Variants in CEP290 observed in about 807,000 individuals in gnomAD.
The protein encoded by CEP290 is centrosomal protein of 290 kDa.
A neutral mutation model predicts 344.9 loss-of-function variants in CEP290; 317 were observed. That is an observed-to-expected ratio of 0.92 (90% CI 0.84 to 1.01). The LOEUF is 1.01. Among genes scored for constraint, CEP290 ranks in the 50% least tolerant of loss-of-function variants. The pLI is 0.00. For missense variants in CEP290, 2,754 were observed against 2,761.4 expected (o/e 1.00, Z 0.06); for synonymous variants, 932 against 895.8 (o/e 1.04, Z -0.72).
intron 19 of CEP290, among the ~76,000 whole-genome samples, 154 bp from the exon 20 acceptor site, chr12:88,114,716 C>T (rs1473225377): frequency 2.0e-5 from 3 of 152,050 alleles, no homozygotes; most frequent in Admixed American, 6.5e-5. Flanking sequence ...ATAAATCCAA[C>T]GTGAATAGTT....
Position 88,111,691 on chromosome 12 carries a change from C to T in CEP290, c.2217+3G>A, listed in dbSNP as rs765291878. ...ATTTTCTTTTATTTAATAAAATTCT[C>T]ACCTTTAAATTAGCTTTTGCCAACT... On this transcript the variant is annotated splice_donor_region_variant and intron_variant, in intron 21 of 53. Coordinates refer to ENST00000552810, the MANE Select transcript of CEP290 (RefSeq NM_025114.4). 1.9e-5 allele frequency: 30 copies of T among 1,558,120 alleles called. No individual in the cohort carries two copies. Among genetic ancestry groups the T allele is most frequent in the Non-Finnish European group, 2.6e-5 (30 of 1,160,146 alleles).
intron 25 of CEP290, among the ~76,000 whole-genome samples, chr12:88,105,974 A>T (rs2038246506): frequency 6.6e-6 from 1 of 152,114 alleles, no homozygotes; most frequent in African/African-American, 2.4e-5. Context: ...TATATTGCCT[A>T]GGCTGGTCTG....
chr12:88,053,906 C>T (rs2033782358), intron 51 of CEP290, among the ~76,000 whole-genome samples, 160 bp from the exon 52 acceptor site: 1 of 152,144 alleles, frequency 6.6e-6, no homozygotes, highest in East Asian at 1.9e-4. Context: ...CATTCTCAAA[C>T]AAAAAGCCTG....
intron 35 of CEP290, 148 bp downstream of exon 35, chr12:88,084,438 G>C (rs917780658): frequency 2.7e-6 from 2 of 731,278 alleles, no homozygotes; most frequent in Admixed American, 2.9e-5. Flanking sequence ...TACTGACAGA[G>C]GTGTAATCCA....
At chr12:88,055,476 T>G in intron 50 of CEP290, 100 bp downstream of exon 50, 1 of 1,059,142 alleles carries the variant, frequency 9.4e-7, no homozygotes, top group Non-Finnish European at 1.3e-6. Context: ...TAGATGGGTC[T>G]TCTTAATAGA....
chr12:88,068,722 A>G lies in CEP290; in HGVS notation c.6012-77T>C, dbSNP rs558048806. 798 of 1,447,506 alleles carry G rather than the reference A, an allele frequency of 5.5e-4. 4 individuals are homozygous for G. The highest frequency in any genetic ancestry group is 4.8e-3 in the Middle Eastern group (23 of 4,818). 89.7% of individuals were successfully genotyped at this position (1,447,506 alleles called of 1,614,324 possible). The stretch of plus-strand genomic sequence containing the variant: ...GTTGTACTATATAAAAATACAAGAT[A>G]AAAAAAGAAAAGTTCAGTGTGTTTA... On this transcript the variant is annotated intron_variant, in intron 43 of 53. Transcript: ENST00000552810.
chr12:88,103,237 C>T, intron 25 of CEP290: 2 of 277,444 alleles, frequency 7.2e-6, no homozygotes, highest in South Asian at 1.4e-4. Context: ...ACTTTAATAA[C>T]TCCTGTCATT....
At chr12:88,122,300 T>C (rs1010636128) in intron 13 of CEP290, among the ~76,000 whole-genome samples, 1 of 152,156 alleles carries the variant, frequency 6.6e-6, no homozygotes, top group Non-Finnish European at 1.5e-5. Context: ...CACATGCTTT[T>C]AACTCTTGCC....
At chr12:88,097,694 A>G (rs1049610962) in intron 26 of CEP290, among the ~76,000 whole-genome samples, 1 of 151,894 alleles carries the variant, frequency 6.6e-6, no homozygotes, top group Non-Finnish European at 1.5e-5. Context: ...TGTGTTATCC[A>G]ATATACGGCC....
chr12:88,120,280 A>C lies in CEP290; in HGVS notation c.1360-4T>G, dbSNP rs200328638. ...CATCTTCTAAACCATATACTCCCTG[A>C]AAAATATCCAATTTAATTTAAAATA... On this transcript the variant is annotated splice_region_variant and splice_polypyrimidine_tract_variant and intron_variant, in intron 14 of 53. Transcript: ENST00000552810. 1,116 of 1,255,924 alleles carry C rather than the reference A, an allele frequency of 8.9e-4. 2 individuals are homozygous for C. The highest frequency in any genetic ancestry group is 1.1e-3 in the Non-Finnish European group (1,064 of 945,656). The allele number at this position is 1,255,924 out of a possible 1,614,324, so 77.8% of individuals were successfully genotyped here. A position where few individuals can be genotyped will look rare whatever the true frequency, so the allele number is the denominator to read the frequency against.
chr12:88,082,358 C>T (rs946347432), intron 37 of CEP290, among the ~76,000 whole-genome samples: 1 of 152,170 alleles, frequency 6.6e-6, no homozygotes, highest in Admixed American at 6.5e-5. Context: ...CTTCATATAA[C>T]CACCCTGAAA....
intron 3 of CEP290, among the ~76,000 whole-genome samples, chr12:88,140,670 T>C (rs1045837287): frequency 1.1e-4 from 16 of 152,316 alleles, no homozygotes; most frequent in African/African-American, 3.6e-4. Context: ...CAAATCCCTA[T>C]AGCAGTCATT....
At chr12:88,107,212 A>G in intron 23 of CEP290, 114 bp from the exon 24 acceptor site, 1 of 569,028 alleles carries the variant, frequency 1.8e-6, no homozygotes, top group East Asian at 3.3e-5. Context: ...GAGGTATCAT[A>G]GCTATTCAGT....
At chr12:88,109,404 A>C (rs2038519028) in intron 22 of CEP290, among the ~76,000 whole-genome samples, 1 of 152,174 alleles carries the variant, frequency 6.6e-6, no homozygotes, top group African/African-American at 2.4e-5. Flanking sequence ...CACACAAATT[A>C]CCAGATTACA....
Position 88,141,199 on chromosome 12 carries a change from T to G in CEP290, c.102+7A>C. 6.3e-7 allele frequency: 1 copy of G among 1,595,608 alleles called. No homozygotes were observed. ...TATATATCTATTATTATTGACCAATTAAGCACCTTGGATAAGGAAATCAAT... is the reference window on the plus strand; with the variant it reads ...TATATATCTATTATTATTGACCAATGAAGCACCTTGGATAAGGAAATCAAT... On this transcript the variant is annotated splice_region_variant and intron_variant, in intron 2 of 53. Transcript: ENST00000552810.
intron 22 of CEP290, among the ~76,000 whole-genome samples, chr12:88,110,340 C>T (rs913883073): frequency 6.6e-6 from 1 of 152,086 alleles, no homozygotes; most frequent in Non-Finnish European, 1.5e-5. Context: ...TAGTAGAGTA[C>T]CCTTTCCTCT....
intron 41 of CEP290, among the ~76,000 whole-genome samples, chr12:88,072,538 C>T (rs1406524011): frequency 6.6e-6 from 1 of 152,152 alleles, no homozygotes; most frequent in Non-Finnish European, 1.5e-5. Context: ...CTGACTAATG[C>T]CAACACCCTT....
intron 31 of CEP290, 71 bp downstream of exon 31, chr12:88,088,961 A>T: frequency 8.9e-7 from 1 of 1,124,248 alleles, no homozygotes; most frequent in Non-Finnish European, 1.2e-6. Flanking sequence ...TGTTTGCACC[A>T]CTGAACTCCA....
chr12:88,119,459 C>T (rs139620794), intron 15 of CEP290, among the ~76,000 whole-genome samples: 51 of 152,136 alleles, frequency 3.4e-4, no homozygotes, highest in African/African-American at 9.9e-4. Flanking sequence ...CAAAGTAAAA[C>T]GTAAGTAGTC....
Sources: gnomAD v4.1 joint callset for allele counts (sites outside exome capture counted in the v4.1 genomes callset) on GRCh38, gnomAD v4.1.1 for gene constraint, MANE v1.5 for transcripts, NCBI Gene and HGNC (gene_info 2026-07-23, HGNC 2026-07-21) for gene names.